The following GNG7 variants were observed in gnomAD, a reference collection of about 807,000 sequenced individuals.
GNG7 encodes G protein subunit gamma 7.
Under a neutral mutation model 4.0 loss-of-function variants are expected in GNG7, and 1 was observed. The ratio of observed to expected loss-of-function variants is 0.25; its 90% CI spans 0.09 to 1.18. The LOEUF is 1.18. Among genes scored for constraint, GNG7 ranks in the 50% most tolerant of loss-of-function variants. The probability of loss-of-function intolerance (pLI) is 0.50; values close to 1 mark genes in which losing one functional copy is unlikely to be tolerated. For missense variants in GNG7, 86 were observed against 91.9 expected, an observed-to-expected ratio of 0.94 and a Z score of 0.26; for synonymous variants, 34 against 36.9, an observed-to-expected ratio of 0.92 and a Z score of 0.29.
Position 2,599,650 on chromosome 19 carries a change from G to A in GNG7, c.-77-44462C>T, listed in dbSNP as rs557017098. ...TCAAAGACGGTGCATGAAAACCGGG[G>A]GTTAGGCCGGGCGCGGTGGCTCACG... is the stretch of plus-strand genomic sequence containing the variant. On this transcript the variant is annotated intron_variant, in intron 2 of 4. Transcript: ENST00000382159. Among the ~76,000 whole-genome samples the A allele has an allele frequency of 1.5e-3, 232 of 152,234 alleles. 4 individuals carry two copies. Among genetic ancestry groups the A allele is most frequent in the African/African-American group, 5.2e-3 (215 of 41,564 alleles).
chr19:2,662,419 C>A (rs1983205765), intron 1 of GNG7, among the ~76,000 whole-genome samples: 1 of 152,084 alleles, frequency 6.6e-6, no homozygotes, highest in African/African-American at 2.4e-5. Flanking sequence ...AGGTTGAGGG[C>A]TAAATCCCCC....
At chr19:2,658,721 C>T (rs1292635952) in intron 1 of GNG7, among the ~76,000 whole-genome samples, 2 of 152,102 alleles carry the variant, frequency 1.3e-5, no homozygotes, top group African/African-American at 4.8e-5. Context: ...GTGAGCCACA[C>T]CAAATGTAAA....
At chr19:2,657,962 C>T (rs1429502903) in intron 1 of GNG7, among the ~76,000 whole-genome samples, 1 of 152,138 alleles carries the variant, frequency 6.6e-6, no homozygotes, top group Non-Finnish European at 1.5e-5. Flanking sequence ...GTCCAGTGGA[C>T]ACATGACCTT....
At position 2,617,731 on chromosome 19, in the gene GNG7, T is replaced by A. The variant is rs928188219; in HGVS notation, c.-78+28493A>T. Among the ~76,000 whole-genome samples the A allele has an allele frequency of 2.6e-5, 4 of 151,896 alleles. No homozygotes were observed. The highest frequency in any genetic ancestry group is 4.8e-5 in the African/African-American group (2 of 41,318). On this transcript the variant is annotated intron_variant, in intron 2 of 4. Coordinates refer to ENST00000382159, the MANE Select transcript of GNG7 (RefSeq NM_052847.3). This position sits in a 1 kb window ranked among gnomAD's most constrained non-coding sequence, Gnocchi z 4.7. ...TTGTCTTTTCCTTTTTATTTTTTTT[T>A]TTTTTGAGATAGGGTCTTGCTCTGT...
At chr19:2,529,088 C>T (rs749808754) in intron 3 of GNG7, among the ~76,000 whole-genome samples, 36 of 152,220 alleles carry the variant, frequency 2.4e-4, no homozygotes, top group Non-Finnish European at 4.4e-4. Context: ...CCCCCACCGC[C>T]GGCCCTGGAG....
intron 1 of GNG7, among the ~76,000 whole-genome samples, chr19:2,682,172 G>T (rs562765367): frequency 6.2e-4 from 94 of 151,596 alleles, no homozygotes; most frequent in African/African-American, 2.2e-3. Flanking sequence ...GCCTCCCAAA[G>T]TGCTGTGATT....
intron 4 of GNG7, among the ~76,000 whole-genome samples, chr19:2,518,429 C>T (rs1188146902): frequency 6.6e-6 from 1 of 152,232 alleles, no homozygotes; most frequent in Non-Finnish European, 1.5e-5. Flanking sequence ...GGTCTGTCCT[C>T]AGCAGTCAGA....
At chr19:2,591,889 T>A (rs2144802039) in intron 2 of GNG7, among the ~76,000 whole-genome samples, 1 of 152,254 alleles carries the variant, frequency 6.6e-6, no homozygotes, top group Non-Finnish European at 1.5e-5. Flanking sequence ...AAAGAGACAC[T>A]AATTTCACAT....
At position 2,609,044 on chromosome 19, in the gene GNG7, T is replaced by G. The variant is rs1981480748; in HGVS notation, c.-78+37180A>C. 6.6e-6 allele frequency among the ~76,000 whole-genome samples: 1 copy of G among 152,020 alleles called. No homozygotes were observed. Among genetic ancestry groups the G allele is most frequent in the East Asian group, 1.9e-4 (1 of 5,184 alleles). Reference sequence around the variant, plus strand: ...TCTCTCTCTCTCTCTTTTTTTGTTTTGAGACAGGGTCTCACTCCATCTTCC... The same window carrying G: ...TCTCTCTCTCTCTCTTTTTTTGTTTGGAGACAGGGTCTCACTCCATCTTCC... On this transcript the variant is annotated intron_variant, in intron 2 of 4. Transcript: ENST00000382159. The surrounding 1 kb of genome is among the most constrained non-coding windows in gnomAD (Gnocchi z 4.4).
chr19:2,586,529 TG>T (rs1980678309), intron 2 of GNG7, among the ~76,000 whole-genome samples: 1 of 151,858 alleles, frequency 6.6e-6, no homozygotes. Context: ...AAGGGAAGGA[TG>T]GGGAGGGAAG....
In GNG7 at chr19:2,557,565, G is replaced by A. The variant is rs374157550; in HGVS notation, c.-77-2377C>T. 1.6e-4 allele frequency among the ~76,000 whole-genome samples: 25 copies of A among 152,298 alleles called. No homozygotes were observed. The highest frequency in any genetic ancestry group is 5.8e-4 in the East Asian group (3 of 5,180). ...GGTCAGCGAATGGAGTTGTAGCACC[G>A]TTTCAGGACCGTGATAGAGAAAGAC... On this transcript the variant is annotated intron_variant, in intron 2 of 4. Coordinates refer to ENST00000382159, the MANE Select transcript of GNG7 (RefSeq NM_052847.3). This position sits in a 1 kb window ranked among gnomAD's most constrained non-coding sequence, Gnocchi z 5.1.
chr19:2,584,863 GGAGGGAGGGAGGGAGGGATA>G (rs1980611551), intron 2 of GNG7, among the ~76,000 whole-genome samples: 1 of 44,118 alleles, frequency 2.3e-5, no homozygotes, highest in Non-Finnish European at 3.7e-5. Context: ...AAGGAAGGAG[GGAGGGAGGGAGGGAGGGATA>G]GAGGGAGGGA....
intron 3 of GNG7, among the ~76,000 whole-genome samples, chr19:2,553,828 AT>A (rs1979449539): frequency 2.5e-5 from 1 of 39,874 alleles, no homozygotes; most frequent in Non-Finnish European, 6.3e-5. Flanking sequence ...ACATGTACAT[AT>A]TATATGTAAT....
intron 1 of GNG7, among the ~76,000 whole-genome samples, chr19:2,664,052 G>A (rs1310793567): frequency 6.6e-6 from 1 of 152,180 alleles, no homozygotes; most frequent in Non-Finnish European, 1.5e-5. Context: ...TCCCTCAAGG[G>A]CAGGACAGCC....
chr19:2,598,623 C>T (rs1981102563), intron 2 of GNG7, among the ~76,000 whole-genome samples: 2 of 151,336 alleles, frequency 1.3e-5, no homozygotes, highest in Non-Finnish European at 2.9e-5. Context: ...CGCCACTGCA[C>T]TCCAGCCTGA....
chr19:2,691,568 A>T (rs892080082), intron 1 of GNG7, among the ~76,000 whole-genome samples: 1 of 151,552 alleles, frequency 6.6e-6, no homozygotes, highest in African/African-American at 2.4e-5. Context: ...TTAAAAAAAT[A>T]ATAATAAAAG....
In GNG7 at chr19:2,687,530, C is replaced by T. The variant is rs552845942; in HGVS notation, c.-135+15116G>A. Among the ~76,000 whole-genome samples the T allele has an allele frequency of 2.1e-3, 317 of 152,152 alleles. 2 individuals are homozygous for T. The highest frequency in any genetic ancestry group is 5.0e-3 in the South Asian group (24 of 4,818). Reference sequence around the variant, plus strand: ...AGTTGGGAGGTTGAGGTAGGAGAATCGCTTGAGCCCGGGAGGCAGAGGTTG... The same window carrying T: ...AGTTGGGAGGTTGAGGTAGGAGAATTGCTTGAGCCCGGGAGGCAGAGGTTG... On this transcript the variant is annotated intron_variant, in intron 1 of 4. Transcript: ENST00000382159.
At chr19:2,696,294 GAAAGAA>G (rs1253963502) in intron 1 of GNG7, among the ~76,000 whole-genome samples, 49 of 54,998 alleles carry the variant, frequency 8.9e-4, no homozygotes, top group South Asian at 1.8e-3. Flanking sequence ...GAGAGAGAGA[GAAAGAA>G]AGAAAGAAAG....
intron 1 of GNG7, among the ~76,000 whole-genome samples, chr19:2,684,047 G>A (rs1345596867): frequency 6.6e-6 from 1 of 152,006 alleles, no homozygotes; most frequent in Non-Finnish European, 1.5e-5. Flanking sequence ...GGGGCCGGGC[G>A]CGGTGGCTCA....
Sources: allele counts gnomAD v4.1 joint callset (sites outside exome capture counted in the v4.1 genomes callset), GRCh38; gene constraint gnomAD v4.1.1; non-coding constraint Gnocchi (gnomAD v3.1); transcripts MANE v1.5; gene names NCBI Gene and HGNC (gene_info 2026-07-23, HGNC 2026-07-21).